The following TLN2 variants were observed in gnomAD, a reference collection of about 807,000 sequenced individuals.
The protein encoded by TLN2 is talin 2.
TLN2 carries 118 observed loss-of-function variants against 294.7 expected under a neutral mutation model. The ratio of observed to expected loss-of-function variants is 0.40; its 90% CI spans 0.34 to 0.47. The LOEUF (loss-of-function observed/expected upper bound fraction) is 0.47. Ranked by LOEUF, TLN2 falls within the 20% of genes least tolerant of loss-of-function variation. The pLI, the probability that TLN2 is intolerant of heterozygous loss-of-function variation, is 0.84. For missense variants in TLN2, 3,083 were observed against 3,282.2 expected (o/e 0.94, Z 1.48); for synonymous variants, 1,431 against 1,304.5 (o/e 1.10, Z -2.09).
At chr15:62,439,494 G>A (rs540410041) in intron 1 of TLN2, among the ~76,000 whole-genome samples, 2 of 152,244 alleles carry the variant, frequency 1.3e-5, no homozygotes, top group South Asian at 4.1e-4. Flanking sequence ...TGTATTTTTA[G>A]TAGAGACAGG....
intron 47 of TLN2, among the ~76,000 whole-genome samples, 176 bp from the exon 48 acceptor site, chr15:62,797,043 C>A (rs532581373): frequency 6.6e-6 from 1 of 152,318 alleles, no homozygotes; most frequent in Non-Finnish European, 1.5e-5. Flanking sequence ...CTTCTCCCCC[C>A]AGTTTTGCAT....
chr15:62,820,587 C>A lies in TLN2; in HGVS notation c.6979C>A (p.Leu2327Met). Residue 2327 changes from leucine to methionine, a missense_variant, in exon 54 of 59, where the codon CTG becomes ATG. Physicochemically the swap from Leu to Met is conservative, Grantham distance 15. Coordinates refer to ENST00000636159, the MANE Select transcript of TLN2 (RefSeq NM_015059.3). ...AGCTGCTGCTAAGAAGTTAGAGCAA[C>A]TGAAGCCAAGAGCAAAACCAAAAGT... ...IEAAAKKLEQ[L>M]KPRAKPKQAD... 1 of 1,613,770 alleles carries A rather than the reference C, an allele frequency of 6.2e-7. No individual in the cohort carries two copies. The highest frequency in any genetic ancestry group is 8.5e-7 in the Non-Finnish European group (1 of 1,179,846).
intron 1 of TLN2, among the ~76,000 whole-genome samples, chr15:62,534,794 C>G (rs1448814109): frequency 6.6e-6 from 1 of 152,194 alleles, no homozygotes; most frequent in African/African-American, 2.4e-5. Flanking sequence ...TCTTACCACT[C>G]TGGAGATCCC....
chr15:62,695,461 G>A (rs765079061), intron 14 of TLN2, among the ~76,000 whole-genome samples: 64 of 152,272 alleles, frequency 4.2e-4, no homozygotes, highest in Non-Finnish European at 8.5e-4. Flanking sequence ...CCCAGTCCAC[G>A]GATAAGGAAA....
intron 33 of TLN2, among the ~76,000 whole-genome samples, chr15:62,749,877 C>G (rs2061829056): frequency 6.6e-6 from 1 of 152,148 alleles, no homozygotes; most frequent in African/African-American, 2.4e-5. Flanking sequence ...GAAACGTTTT[C>G]TATACTGTTT....
intron 2 of TLN2, among the ~76,000 whole-genome samples, chr15:62,612,310 T>C (rs929985776): frequency 9.2e-5 from 14 of 152,212 alleles, no homozygotes; most frequent in Non-Finnish European, 1.6e-4. Flanking sequence ...GAATCAATAT[T>C]CTGTATACCA....
chr15:62,509,781 C>T (rs1200072550), intron 1 of TLN2, among the ~76,000 whole-genome samples: 1 of 152,158 alleles, frequency 6.6e-6, no homozygotes, highest in African/African-American at 2.4e-5. Flanking sequence ...TTGGGCTTGC[C>T]TGAGCCACCT....
At chr15:62,767,466 C>T (rs767157310) in intron 41 of TLN2, among the ~76,000 whole-genome samples, 24 of 152,012 alleles carry the variant, frequency 1.6e-4, no homozygotes, top group African/African-American at 5.3e-4. Flanking sequence ...CTCAGCCTCC[C>T]GAGTAGCTGG....
intron 11 of TLN2, among the ~76,000 whole-genome samples, chr15:62,680,202 C>T (rs760047258): frequency 1.3e-5 from 2 of 152,046 alleles, no homozygotes; most frequent in Non-Finnish European, 2.9e-5. Context: ...CTATGTCTAC[C>T]AAAAGGCTTG....
At chr15:62,649,549 ATTTGTTGGT>A (rs2052343335) in intron 4 of TLN2, among the ~76,000 whole-genome samples, 1 of 151,970 alleles carries the variant, frequency 6.6e-6, no homozygotes, top group Non-Finnish European at 1.5e-5. Context: ...CTTTTACATG[ATTTGTTGGT>A]GGTCGGGGTC....
At chr15:62,537,024 GT>G (rs11331926) in intron 1 of TLN2, among the ~76,000 whole-genome samples, 47,526 of 144,536 alleles carry the variant, frequency 0.33, 8,395 homozygotes, top group East Asian at 0.54. Context: ...TCATTGTAGT[GT>G]TTTTTTTTTT....
chr15:62,810,011 C>G lies in TLN2; in HGVS notation c.6750C>G (p.Asp2250Glu). ...FGTECTLGYL[D>E]LLEHVLVILQ... Reference sequence around the variant, plus strand: ...CGGAGTGCACCCTTGGCTACTTGGACCTCCTGGAGCACGTCTTGGTGGTAA... The same window carrying G: ...CGGAGTGCACCCTTGGCTACTTGGAGCTCCTGGAGCACGTCTTGGTGGTAA... Residue 2250 changes from aspartate to glutamate, a missense_variant, in exon 52 of 59, where the codon GAC (aspartate) becomes GAG (glutamate). Coordinates refer to ENST00000636159, the MANE Select transcript of TLN2 (RefSeq NM_015059.3). 1.9e-6 allele frequency: 3 copies of G among 1,614,024 alleles called. No individual in the cohort carries two copies. Among genetic ancestry groups the G allele is most frequent in the Non-Finnish European group, 2.5e-6 (3 of 1,179,974 alleles).
chr15:62,649,110 A>T (rs551510455), intron 4 of TLN2, among the ~76,000 whole-genome samples: 2 of 152,190 alleles, frequency 1.3e-5, no homozygotes, highest in African/African-American at 4.8e-5. Flanking sequence ...TCAAAGTGCT[A>T]GGATTACAGG....
intron 1 of TLN2, among the ~76,000 whole-genome samples, chr15:62,448,162 C>T (rs1384502253): frequency 1.3e-5 from 2 of 152,206 alleles, no homozygotes; most frequent in Non-Finnish European, 2.9e-5. Flanking sequence ...TGCCTCCTTA[C>T]ATTAGATTTC....
At chr15:62,726,586 C>T (rs1310855626) in intron 27 of TLN2, among the ~76,000 whole-genome samples, 1 of 152,124 alleles carries the variant, frequency 6.6e-6, no homozygotes, top group African/African-American at 2.4e-5. Context: ...GTTGGAACTC[C>T]TCAAAGTATA....
chr15:62,536,387 G>T (rs1042930452), intron 1 of TLN2, among the ~76,000 whole-genome samples: 1 of 152,166 alleles, frequency 6.6e-6, no homozygotes, highest in Admixed American at 6.5e-5. Context: ...TCTCTCATCC[G>T]TAGGGGCTTC....
intron 1 of TLN2, among the ~76,000 whole-genome samples, chr15:62,425,242 T>G (rs1428212189): frequency 6.6e-6 from 1 of 152,184 alleles, no homozygotes; most frequent in Non-Finnish European, 1.5e-5. Context: ...TTTGAGCCAC[T>G]GTACCCAGCC....
In TLN2 at chr15:62,761,811, T is replaced by G; in HGVS notation, c.4769T>G (p.Ile1590Ser). The G allele has an allele frequency of 6.2e-7, 1 of 1,614,166 alleles. No homozygotes were observed. The change falls in exon 38 of 59, where the codon ATC (isoleucine) becomes AGC (serine). Residue 1590 changes from isoleucine to serine, a missense_variant. Physicochemically the swap from Ile to Ser is moderately radical, Grantham distance 142 (BLOSUM62 -2). Coordinates refer to ENST00000636159, the MANE Select transcript of TLN2 (RefSeq NM_015059.3). ...NPEFVSIPAQ[I>S]SSEGSQAQEP... ...GAGTTTGTCAGCATTCCTGCCCAGA[T>G]CAGCTCCGAGGTAGGGAGTGTTTAC...
At chr15:62,448,099 G>A (rs1163523859) in intron 1 of TLN2, among the ~76,000 whole-genome samples, 2 of 152,188 alleles carry the variant, frequency 1.3e-5, no homozygotes, top group Non-Finnish European at 2.9e-5. Flanking sequence ...TTTAGGAGAC[G>A]AACTTGGAGC....
Sources: gnomAD v4.1 joint callset for allele counts (sites outside exome capture counted in the v4.1 genomes callset) on GRCh38, gnomAD v4.1.1 for gene constraint, MANE v1.5 for transcripts, NCBI Gene and HGNC (gene_info 2026-07-23, HGNC 2026-07-21) for gene names.